The following ECT2 variants were observed in gnomAD, a reference collection of about 807,000 sequenced individuals.
The protein encoded by ECT2 is epithelial cell transforming 2.
ECT2 carries 61 observed loss-of-function variants against 116.9 expected under a neutral mutation model. The ratio of observed to expected loss-of-function variants is 0.52; its 90% confidence interval spans 0.42 to 0.65. The LOEUF is 0.65. ECT2 is among the 30% of genes least tolerant of loss of function. The probability of loss-of-function intolerance (pLI) is 0.00; values close to 1 mark genes in which losing one functional copy is unlikely to be tolerated. For missense variants in ECT2, 937 were observed against 1,078.7 expected (o/e 0.87, Z 1.84); for synonymous variants, 358 against 346.4 (o/e 1.03, Z -0.37).
chr3:172,828,789 C>A, the ECT2 span: 2 of 684,838 alleles, frequency 2.9e-6, no homozygotes, highest in South Asian at 1.6e-5. Context: ...CCCATGGCCT[C>A]AGACAGGCCA....
chr3:172,794,283 G>A lies in ECT2; in HGVS notation c.1907+7709G>A, dbSNP rs141053107. On this transcript the variant is annotated intron_variant, in intron 18 of 24. Coordinates refer to ENST00000392692, the MANE Select transcript of ECT2 (RefSeq NM_001258315.2). ...CCATTTTGAGTTAATTTTTGTATATGGGGCATGGTATAGATTGAAGTTCAT... is the reference window on the plus strand; with the variant it reads ...CCATTTTGAGTTAATTTTTGTATATAGGGCATGGTATAGATTGAAGTTCAT... Among the ~76,000 whole-genome samples the A allele has an allele frequency of 5.0e-3, 761 of 152,184 alleles. 7 individuals carry two copies. Among genetic ancestry groups the A allele is most frequent in the African/African-American group, 0.017 (715 of 41,516 alleles).
intron 12 of ECT2, among the ~76,000 whole-genome samples, chr3:172,768,744 GTCTT>G (rs1486548755): frequency 2.0e-5 from 3 of 152,270 alleles, no homozygotes; most frequent in Admixed American, 6.5e-5. Context: ...CAGTTCCTTA[GTCTT>G]TCTTTGTTTT....
At position 172,754,634 on chromosome 3, in the gene ECT2, T is replaced by G. The variant is rs150569451; in HGVS notation, c.104T>G (p.Leu35Arg). The G allele has an allele frequency of 7.4e-6, 12 of 1,610,758 alleles. No individual in the cohort carries two copies. In the African/African-American group the frequency reaches 1.2e-4, roughly 16 times the overall value. Residue 35 changes from leucine (L) to arginine (R), a missense_variant, in exon 2 of 25, where the codon CTT becomes CGT. Leu to Arg is a moderately radical substitution (Grantham distance 102). Coordinates refer to ENST00000392692, the MANE Select transcript of ECT2 (RefSeq NM_001258315.2). ...KVTEISKENL[L>R]IGSTSYVEEE... Reference sequence around the variant, plus strand: ...ACTGAGATTTCCAAGGAAAACTTACTTATTGGATCTACTTCATATGTAGAA... The same window carrying G: ...ACTGAGATTTCCAAGGAAAACTTACGTATTGGATCTACTTCATATGTAGAA...
In ECT2 at chr3:172,820,352, T is replaced by C. The variant is rs1419390298; in HGVS notation, c.*115T>C. ...TGGTGAAAGCTGGAAGGAAGATAAA[T>C]AACACTAAACTATGCTATTTGATTT... On this transcript the variant is annotated 3_prime_UTR_variant, in exon 25 of 25. Coordinates refer to ENST00000392692, the MANE Select transcript of ECT2 (RefSeq NM_001258315.2). 8 of 614,634 alleles carry C rather than the reference T, an allele frequency of 1.3e-5. No individual in the cohort carries two copies. Among genetic ancestry groups the C allele is most frequent in the Non-Finnish European group, 1.3e-5 (5 of 383,072 alleles). The allele number at this position is 614,634 out of a possible 1,614,324, so 38.1% of individuals were successfully genotyped here.
chr3:172,778,874 C>T (rs1406838250), intron 14 of ECT2, among the ~76,000 whole-genome samples: 3 of 152,174 alleles, frequency 2.0e-5, no homozygotes, highest in Non-Finnish European at 4.4e-5. Flanking sequence ...GGATTACAGG[C>T]ATGAGCCACG....
At position 172,820,311 on chromosome 3, in the gene ECT2, A is replaced by G. The variant is rs572805382; in HGVS notation, c.*74A>G. On this transcript the variant is annotated 3_prime_UTR_variant, in exon 25 of 25. Coordinates refer to ENST00000392692, the MANE Select transcript of ECT2 (RefSeq NM_001258315.2). ...CAAATAAGAAACTGACTTAAATGGT[A>G]CTTGTAATTAGCACTTGGTGAAAGC... 6.0e-6 allele frequency: 6 copies of G among 1,008,224 alleles called. No homozygotes were observed. In the East Asian group the frequency reaches 1.6e-4, roughly 27 times the overall value. The allele number at this position is 1,008,224 out of a possible 1,614,324, so 62.5% of individuals were successfully genotyped here. A position where few individuals can be genotyped will look rare whatever the true frequency, so the allele number is the denominator to read the frequency against.
intron 22 of ECT2, among the ~76,000 whole-genome samples, chr3:172,808,968 G>C (rs1029122108): frequency 2.0e-5 from 3 of 152,078 alleles, no homozygotes; most frequent in African/African-American, 7.2e-5. Flanking sequence ...TTGCACAAAA[G>C]ATTCAGAGAG....
intron 13 of ECT2, among the ~76,000 whole-genome samples, 168 bp from the exon 14 acceptor site, chr3:172,773,735 C>T (rs1378636952): frequency 6.6e-6 from 1 of 152,142 alleles, no homozygotes; most frequent in African/African-American, 2.4e-5. Flanking sequence ...AAATGGAGTA[C>T]ATAAAATAGA....
At chr3:172,762,994 T>C (rs369898272) in intron 11 of ECT2, 22 bp downstream of exon 11, 41 of 1,610,414 alleles carry the variant, frequency 2.5e-5, no homozygotes, top group Non-Finnish European at 3.3e-5. Context: ...ACCCCTTACT[T>C]ATTTGTTCTG....
At chr3:172,804,639 C>G (rs1224722389) in intron 20 of ECT2, among the ~76,000 whole-genome samples, 2 of 152,090 alleles carry the variant, frequency 1.3e-5, no homozygotes, top group Non-Finnish European at 2.9e-5. Flanking sequence ...GTTGGAGTCC[C>G]TAGGTCAGCT....
chr3:172,811,076 TA>T (rs1728690284), intron 22 of ECT2, among the ~76,000 whole-genome samples: 2 of 152,258 alleles, frequency 1.3e-5, no homozygotes, highest in East Asian at 1.9e-4. Flanking sequence ...TAAATAAAAA[TA>T]AAAATGAGTT....
intron 18 of ECT2, among the ~76,000 whole-genome samples, chr3:172,802,237 C>T (rs1386612901): frequency 6.6e-6 from 1 of 152,036 alleles, no homozygotes; most frequent in Non-Finnish European, 1.5e-5. Flanking sequence ...GCCTCAGCCG[C>T]CGAGTAGCTG....
At position 172,775,724 on chromosome 3, in the gene ECT2, C is replaced by T. The variant is rs541061048; in HGVS notation, c.1548+1702C>T. Among the ~76,000 whole-genome samples, 19 of 151,544 alleles carry T rather than the reference C, an allele frequency of 1.3e-4. No individual in the cohort carries two copies. In the South Asian group the frequency reaches 3.3e-3, roughly 27 times the overall value. ...TCTTGGCTCACTGCAACCTCTGCCT[C>T]CCGGGTTCAAGTGATTCTCCTGCCT... On this transcript the variant is annotated intron_variant, in intron 14 of 24. Coordinates refer to ENST00000392692, the MANE Select transcript of ECT2 (RefSeq NM_001258315.2).
At chr3:172,782,429 GATT>G (rs1722875440) in intron 15 of ECT2, among the ~76,000 whole-genome samples, 198 bp downstream of exon 15, 1 of 152,136 alleles carries the variant, frequency 6.6e-6, no homozygotes, top group Non-Finnish European at 1.5e-5. Context: ...AGTAGCCCAA[GATT>G]ATTGGAAGAA....
At chr3:172,766,830 A>G (rs77660637) in intron 12 of ECT2, among the ~76,000 whole-genome samples, 255 of 152,338 alleles carry the variant, frequency 1.7e-3, no homozygotes, top group Non-Finnish European at 3.2e-3. Flanking sequence ...TATAATCATA[A>G]TGGACAATAG....
chr3:172,807,632 TA>T, intron 21 of ECT2, 137 bp from the exon 22 acceptor site: 2 of 986,186 alleles, frequency 2.0e-6, no homozygotes, highest in Non-Finnish European at 3.0e-6. Context: ...TTTGTCTTAT[TA>T]AAAATAGGAC....
At chr3:172,818,883 G>T in intron 24 of ECT2, 2 of 1,128,198 alleles carry the variant, frequency 1.8e-6, no homozygotes, top group Non-Finnish European at 1.1e-6. Flanking sequence ...TTTCTCCAAG[G>T]AATCACTTAT....
At chr3:172,802,117 G>GT (rs1402837060) in intron 18 of ECT2, among the ~76,000 whole-genome samples, 1 of 150,452 alleles carries the variant, frequency 6.6e-6, no homozygotes, top group Non-Finnish European at 1.5e-5. Flanking sequence ...TTTTGTTTTT[G>GT]TTTTTGTTTT....
chr3:172,792,253 G>C (rs143177059), intron 18 of ECT2, among the ~76,000 whole-genome samples: 1 of 152,212 alleles, frequency 6.6e-6, no homozygotes, highest in African/African-American at 2.4e-5. Context: ...GAGACACGAA[G>C]TAAGCATGTA....
Sources: allele counts gnomAD v4.1 joint callset (sites outside exome capture counted in the v4.1 genomes callset), GRCh38; gene constraint gnomAD v4.1.1; transcripts MANE v1.5; gene names NCBI Gene and HGNC (gene_info 2026-07-23, HGNC 2026-07-21).